Variants in TMEFF2 observed in about 807,000 individuals in gnomAD.
TMEFF2 encodes tomoregulin-2.
In TMEFF2, 28 loss-of-function variants were observed where a neutral mutation model predicts 53.8. The ratio of observed to expected loss-of-function variants is 0.52; its 90% CI spans 0.39 to 0.71. The LOEUF (loss-of-function observed/expected upper bound fraction) is 0.71. Ranked by LOEUF, TMEFF2 falls within the 30% of genes least tolerant of loss-of-function variation. The pLI is 0.00. For synonymous variants in TMEFF2, 162 were observed against 166.3 expected, an observed-to-expected ratio of 0.97 and a Z score of 0.20; for missense variants, 353 against 455.2, an observed-to-expected ratio of 0.78 and a Z score of 2.04.
At chr2:192,096,971 C>T (rs1030267859) in intron 4 of TMEFF2, among the ~76,000 whole-genome samples, 4 of 151,888 alleles carry the variant, frequency 2.6e-5, no homozygotes, top group African/African-American at 9.7e-5. Flanking sequence ...CCACCAGGCC[C>T]GGCCCATTTT....
At chr2:192,049,473 G>A (rs1687709871) in intron 5 of TMEFF2, among the ~76,000 whole-genome samples, 2 of 152,154 alleles carry the variant, frequency 1.3e-5, no homozygotes, top group Non-Finnish European at 2.9e-5. Context: ...ACTACAATGA[G>A]ATTCCTATTA....
intron 4 of TMEFF2, among the ~76,000 whole-genome samples, chr2:192,099,186 A>G (rs1336938248): frequency 1.3e-5 from 2 of 152,012 alleles, no homozygotes; most frequent in Admixed American, 6.6e-5. Flanking sequence ...TACCATTTCA[A>G]TCTTTATAGT....
intron 9 of TMEFF2, 133 bp downstream of exon 9, chr2:191,953,541 TTATGC>T: frequency 1.1e-6 from 1 of 872,832 alleles, no homozygotes; most frequent in Admixed American, 3.1e-5. Context: ...TCAAATACTC[TTATGC>T]TAAGGACATA....
rs116008083 is a variant in TMEFF2 at position 192,046,345 on chromosome 2, C to T, written c.536+11334G>A. ...TGCCGCTGCACTTCAGCCTGGGTGA[C>T]GGAGCGAGACACTGTCTCAAAGAAA... is the stretch of plus-strand genomic sequence containing the variant. On this transcript the variant is annotated intron_variant, in intron 5 of 9. Transcript: ENST00000272771. 7.7e-3 allele frequency among the ~76,000 whole-genome samples: 1,172 copies of T among 151,890 alleles called. 14 individuals are homozygous for T. The highest frequency in any genetic ancestry group is 0.027 in the African/African-American group (1,105 of 41,396).
chr2:192,104,357 C>T (rs764852820), intron 4 of TMEFF2, among the ~76,000 whole-genome samples: 5 of 152,074 alleles, frequency 3.3e-5, no homozygotes, highest in Non-Finnish European at 5.9e-5. Context: ...GTAATTTCCA[C>T]TTAGGTTAGT....
intron 8 of TMEFF2, 46 bp from the exon 9 acceptor site, chr2:191,953,883 ATTTTTTT>A (rs563154787): frequency 3.0e-4 from 182 of 610,100 alleles, no homozygotes; most frequent in South Asian, 3.3e-4. Context: ...TGCTGCATTC[ATTTTTTT>A]TTTTTTTTTT....
intron 5 of TMEFF2, among the ~76,000 whole-genome samples, chr2:192,052,088 G>A (rs1687786204): frequency 6.6e-6 from 1 of 152,178 alleles, no homozygotes; most frequent in Non-Finnish European, 1.5e-5. Context: ...CGCTAATGGA[G>A]CCTGAGTGGC....
intron 4 of TMEFF2, among the ~76,000 whole-genome samples, chr2:192,103,803 A>C (rs1689087189): frequency 6.6e-6 from 1 of 151,902 alleles, no homozygotes; most frequent in South Asian, 2.1e-4. Context: ...ATATGCAGAG[A>C]TGCCATAGCC....
intron 4 of TMEFF2, among the ~76,000 whole-genome samples, chr2:192,166,407 G>A (rs1038246288): frequency 3.3e-5 from 5 of 152,088 alleles, no homozygotes; most frequent in African/African-American, 1.2e-4. Flanking sequence ...CCAGAATTAT[G>A]TAATGGAAAA....
intron 7 of TMEFF2, among the ~76,000 whole-genome samples, chr2:191,960,374 A>G (rs111622140): frequency 3.9e-5 from 6 of 152,346 alleles, no homozygotes; most frequent in African/African-American, 1.4e-4. Context: ...AATGGCTTTG[A>G]CAAAACAACA....
At chr2:192,069,986 GTGTATATATATATATATATATATATATA>G (rs1188201175) in intron 4 of TMEFF2, among the ~76,000 whole-genome samples, 1,072 of 11,672 alleles carry the variant, frequency 0.092, 29 homozygotes, top group African/African-American at 0.13. Context: ...GTGTGTGTGT[GTGTATATATATATATATATATATATATA>G]TATATATATA....
At chr2:192,114,609 A>G (rs1400737862) in intron 4 of TMEFF2, among the ~76,000 whole-genome samples, 1 of 151,940 alleles carries the variant, frequency 6.6e-6, no homozygotes, top group Non-Finnish European at 1.5e-5. Context: ...AGGATATCAA[A>G]TCAACATACA....
intron 2 of TMEFF2, 77 bp from the exon 3 acceptor site, chr2:192,184,560 A>G: frequency 6.5e-7 from 1 of 1,548,084 alleles, no homozygotes; most frequent in East Asian, 2.3e-5. Flanking sequence ...AGAAATAATC[A>G]TTTACAAAAG....
chr2:191,986,095 T>G (rs2105820403), intron 7 of TMEFF2, among the ~76,000 whole-genome samples: 1 of 152,340 alleles, frequency 6.6e-6, no homozygotes, highest in Admixed American at 6.5e-5. Flanking sequence ...TTTTAAAAAT[T>G]GCCATTGAGT....
At chr2:192,109,255 T>G (rs1689221228) in intron 4 of TMEFF2, among the ~76,000 whole-genome samples, 1 of 152,102 alleles carries the variant, frequency 6.6e-6, no homozygotes, top group Non-Finnish European at 1.5e-5. Flanking sequence ...ATGTACTATA[T>G]TCTTATTTAT....
chr2:192,161,608 C>T (rs1037479318), intron 4 of TMEFF2, among the ~76,000 whole-genome samples: 3 of 152,086 alleles, frequency 2.0e-5, no homozygotes, highest in African/African-American at 7.2e-5. Context: ...GAGTCAGGAA[C>T]GATGTGAAAG....
chr2:192,041,257 T>C (rs899332115), intron 5 of TMEFF2, among the ~76,000 whole-genome samples: 2 of 152,284 alleles, frequency 1.3e-5, no homozygotes, highest in Admixed American at 1.3e-4. Context: ...TTAAAACTCT[T>C]ACAGCTCAAT....
chr2:192,011,848 A>G (rs1230462344), intron 5 of TMEFF2, among the ~76,000 whole-genome samples: 3 of 152,144 alleles, frequency 2.0e-5, no homozygotes, highest in Non-Finnish European at 4.4e-5. Context: ...AAGCAAGCTC[A>G]GTTATAAACT....
At chr2:192,005,397 AGT>A (rs1033262900) in intron 5 of TMEFF2, among the ~76,000 whole-genome samples, 2 of 152,208 alleles carry the variant, frequency 1.3e-5, no homozygotes, top group African/African-American at 4.8e-5. Flanking sequence ...CATCTGCCAG[AGT>A]GTGAGAATGC....
Sources: allele counts gnomAD v4.1 joint callset (sites outside exome capture counted in the v4.1 genomes callset), GRCh38; gene constraint gnomAD v4.1.1; transcripts MANE v1.5; gene names NCBI Gene and HGNC (gene_info 2026-07-23, HGNC 2026-07-21).